The following PMFBP1 variants were observed in gnomAD, a reference collection of about 807,000 sequenced individuals.
PMFBP1 encodes the protein polyamine modulated factor 1 binding protein 1, also known as polyamine-modulated factor 1-binding protein 1.
A neutral mutation model predicts 137.8 loss-of-function variants in PMFBP1; 131 were observed. The observed-to-expected ratio is 0.95, with a 90% CI of 0.82 to 1.10. The LOEUF (loss-of-function observed/expected upper bound fraction) is 1.10, where lower values mean the gene tolerates loss of function less well. Among genes scored for constraint, PMFBP1 ranks in the 50% least tolerant of loss-of-function variants. PMFBP1 has a pLI of 0.00. For synonymous variants in PMFBP1, 490 were observed against 450.4 expected (o/e 1.09, Z -1.11); for missense variants, 1,199 against 1,175.4 (o/e 1.02, Z -0.29).
chr16:72,130,509 G>A, intron 11 of PMFBP1, 24 bp downstream of exon 11: 1 of 1,613,494 alleles, frequency 6.2e-7, no homozygotes, highest in East Asian at 2.2e-5. Context: ...ACCTCTCTCT[G>A]GAGGGGAGCC....
chr16:72,207,908 A>G, the PMFBP1 span, among the ~76,000 whole-genome samples: 1 of 152,128 alleles, frequency 6.6e-6, no homozygotes, highest in Non-Finnish European at 1.5e-5. Flanking sequence ...GCATAGTACA[A>G]ATTTCAGTCC....
intron 2 of PMFBP1, among the ~76,000 whole-genome samples, chr16:72,165,132 T>C (rs2043126075): frequency 6.6e-6 from 1 of 152,206 alleles, no homozygotes; most frequent in Non-Finnish European, 1.5e-5. Context: ...TTATATTAAT[T>C]AAATCTTCAC....
At chr16:72,171,418 T>C (rs1372917348) in intron 1 of PMFBP1, 150 bp from the exon 2 acceptor site, 8 of 525,292 alleles carry the variant, frequency 1.5e-5, no homozygotes, top group African/African-American at 1.5e-4. Flanking sequence ...CATCTGTTTG[T>C]GTTTTTAAAA....
chr16:72,159,821 T>C (rs948836874), intron 3 of PMFBP1, among the ~76,000 whole-genome samples: 20 of 152,060 alleles, frequency 1.3e-4, no homozygotes, highest in African/African-American at 4.8e-4. Context: ...TAAAACATTC[T>C]TCCTAATGAA....
the PMFBP1 span, among the ~76,000 whole-genome samples, chr16:72,220,286 A>T: frequency 6.6e-6 from 1 of 152,260 alleles, no homozygotes; most frequent in East Asian, 1.9e-4. Context: ...TAGATGCCCA[A>T]CTACAGTGGA....
At chr16:72,213,776 G>A in the PMFBP1 span, among the ~76,000 whole-genome samples, 1 of 152,212 alleles carries the variant, frequency 6.6e-6, no homozygotes, top group African/African-American at 2.4e-5. Flanking sequence ...AAACTGATAT[G>A]ATGGAATCTT....
At chr16:72,235,069 T>C in the PMFBP1 span, among the ~76,000 whole-genome samples, 1 of 152,172 alleles carries the variant, frequency 6.6e-6, no homozygotes, top group African/African-American at 2.4e-5. Context: ...TCTATTTTTC[T>C]TTTGTTGCTC....
At chr16:72,233,599 C>G in the PMFBP1 span, among the ~76,000 whole-genome samples, 5 of 152,060 alleles carry the variant, frequency 3.3e-5, no homozygotes, top group African/African-American at 1.2e-4. Context: ...AGAATTCAAC[C>G]CTTTAAAGTA....
chr16:72,125,434 G>C, intron 15 of PMFBP1, 29 bp from the exon 16 acceptor site: 1 of 1,602,478 alleles, frequency 6.2e-7, no homozygotes, highest in Non-Finnish European at 8.5e-7. Flanking sequence ...AGGACGAATG[G>C]CTGTCAGAGA....
At chr16:72,196,404 C>T in the PMFBP1 span, among the ~76,000 whole-genome samples, 2 of 152,090 alleles carry the variant, frequency 1.3e-5, no homozygotes, top group Non-Finnish European at 2.9e-5. Flanking sequence ...TTTTCTTTAA[C>T]ACTGCCATCT....
At chr16:72,245,511 C>T in the PMFBP1 span, among the ~76,000 whole-genome samples, 1 of 152,206 alleles carries the variant, frequency 6.6e-6, no homozygotes, top group African/African-American at 2.4e-5. Flanking sequence ...GGGTTGCACT[C>T]TTTTCAGAAA....
At chr16:72,184,507 C>A in the PMFBP1 span, among the ~76,000 whole-genome samples, 1 of 152,332 alleles carries the variant, frequency 6.6e-6, no homozygotes, top group East Asian at 1.9e-4. Flanking sequence ...GAGCACTTCA[C>A]TATTAACTTA....
chr16:72,140,386 G>A lies in PMFBP1; in HGVS notation c.807+26C>T, dbSNP rs768261267. The A allele has an allele frequency of 8.8e-6, 14 of 1,591,732 alleles. No homozygotes were observed. In the African/African-American group the frequency reaches 1.6e-4, roughly 18 times the overall value. ...ATGTCTTGATTGAGGGTCTCCCAGA[G>A]ACATGTTCTAGAAGAAGGCACTTAC... On this transcript the variant is annotated intron_variant, in intron 6 of 20. Coordinates refer to ENST00000237353, the MANE Select transcript of PMFBP1 (RefSeq NM_031293.3).
In PMFBP1 at chr16:72,150,720, T is replaced by A. The variant is rs200746104; in HGVS notation, c.524A>T (p.Glu175Val). ...ATCCCTGTAGAGGTTTAAGCTCCTC[T>A]CTAGAGAGGCGATCTTGTCCCCGGC... ...ALAGDKIASL[E>V]RSLNLYRDKY... The change falls in exon 5 of 21, where the codon GAG (glutamate) becomes GTG (valine). Residue 175 changes from glutamate (E) to valine (V), a missense_variant. By Grantham distance (121) the Glu-to-Val change is moderately radical (BLOSUM62 -2). Coordinates refer to ENST00000237353, the MANE Select transcript of PMFBP1 (RefSeq NM_031293.3). 2 of 1,614,064 alleles carry A rather than the reference T, an allele frequency of 1.2e-6. No homozygotes were observed. The highest frequency in any genetic ancestry group is 2.2e-5 in the South Asian group (2 of 91,086).
intron 4 of PMFBP1, among the ~76,000 whole-genome samples, chr16:72,152,628 C>T (rs1390361616): frequency 2.0e-5 from 3 of 151,794 alleles, no homozygotes; most frequent in East Asian, 1.9e-4. Context: ...GCGGATCACC[C>T]GAGGTCAGGA....
intron 12 of PMFBP1, 106 bp downstream of exon 12, chr16:72,130,107 G>A (rs2042525365): frequency 6.9e-7 from 1 of 1,457,198 alleles, no homozygotes; most frequent in Non-Finnish European, 9.3e-7. Flanking sequence ...TGCCTGCCTT[G>A]GCCTCGCAAA....
the PMFBP1 span, among the ~76,000 whole-genome samples, chr16:72,221,696 C>T: frequency 6.6e-6 from 1 of 152,082 alleles, no homozygotes; most frequent in Admixed American, 6.5e-5. Flanking sequence ...GACCAGGAAT[C>T]GTGCAATACA....
At chr16:72,139,544 G>C in intron 6 of PMFBP1, 145 bp from the exon 7 acceptor site, 1 of 695,314 alleles carries the variant, frequency 1.4e-6, no homozygotes, top group South Asian at 1.7e-5. Context: ...GGGGTAGGTA[G>C]GGAGAAGGAA....
At chr16:72,127,788 C>T (rs529492732) in intron 14 of PMFBP1, among the ~76,000 whole-genome samples, 1 of 152,318 alleles carries the variant, frequency 6.6e-6, no homozygotes, top group South Asian at 2.1e-4. Context: ...ATTCCATCAG[C>T]TCAGACATAC....
Sources: allele counts gnomAD v4.1 joint callset (sites outside exome capture counted in the v4.1 genomes callset), GRCh38; gene constraint gnomAD v4.1.1; transcripts MANE v1.5; gene names NCBI Gene and HGNC (gene_info 2026-07-23, HGNC 2026-07-21).